Variants in PRAMEF17 observed in about 807,000 individuals in gnomAD.
The protein encoded by PRAMEF17 is PRAME family member 17.
PRAMEF17 carries 48 observed loss-of-function variants against 36.8 expected under a neutral mutation model. The observed-to-expected ratio is 1.30, with a 90% CI of 1.03 to 1.66. The LOEUF is 1.66. Among genes scored for constraint, PRAMEF17 ranks in the 40% most tolerant of loss-of-function variants. The pLI, the probability that PRAMEF17 is intolerant of heterozygous loss-of-function variation, is 0.00. For missense variants in PRAMEF17, 639 were observed against 560.6 expected (o/e 1.14, Z -1.41); for synonymous variants, 246 against 220.4 (o/e 1.12, Z -1.03).
intron 2 of PRAMEF17, among the ~76,000 whole-genome samples, chr1:13,391,507 T>C (rs1267613175): frequency 0.085 from 12,956 of 152,168 alleles, 755 homozygotes; most frequent in East Asian, 0.21. Context: ...TGTCAGGGAA[T>C]CTTTGCAGGC....
chr1:13,390,050 T>C, intron 1 of PRAMEF17, 106 bp downstream of exon 1: 2 of 1,542,798 alleles, frequency 1.3e-6, no homozygotes, highest in South Asian at 1.2e-5. Context: ...GCTCAGAGGC[T>C]TCTGATGGTG....
chr1:13,390,228 G>A (rs1404454362), intron 1 of PRAMEF17, 113 bp from the exon 2 acceptor site: 5 of 1,520,930 alleles, frequency 3.3e-6, no homozygotes, highest in Non-Finnish European at 3.6e-6. Flanking sequence ...GAGACAGAAG[G>A]AGGAGCACTG....
chr1:13,392,373 A>C lies in PRAMEF17; in HGVS notation c.1296A>C (p.Pro432=). The stretch of plus-strand genomic sequence containing the variant: ...ATGTCAATTGGGAGATCCTCGCCCC[A>C]ATTCGGGCTGAGCTGATGTGTACAC... The part of the protein sequence containing the change: ...RGHVNWEILA[P]IRAELMCTLR... The change falls in exon 3 of 3, where the codon CCA becomes CCC. Residue 432 remains proline, a synonymous_variant. Coordinates refer to ENST00000376098, the MANE Select transcript of PRAMEF17 (RefSeq NM_001099851.3). 1 of 1,611,944 alleles carries C rather than the reference A, an allele frequency of 6.2e-7. No homozygotes were observed. The highest frequency in any genetic ancestry group is 2.2e-5 in the East Asian group (1 of 44,876).
Position 13,390,726 on chromosome 1 carries a change from GC to G in PRAMEF17, c.677del (p.Pro226LeufsTer3), listed in dbSNP as rs1488626625. 6.2e-7 allele frequency: 1 copy of G among 1,611,880 alleles called. No homozygotes were observed. The highest frequency in any genetic ancestry group is 2.2e-5 in the East Asian group (1 of 44,892). On this transcript the variant is annotated frameshift_variant, in exon 2 of 3. Coordinates refer to ENST00000376098, the MANE Select transcript of PRAMEF17 (RefSeq NM_001099851.3). LOFTEE classifies it high-confidence loss of function. The part of the protein sequence containing the change: ...KCSLNKTGKF[A>X]PYLSQMSNLR... ...CTCTCTGAATAAAACAGGAAAGTTT[GC>G]CCCTTACTTGAGCCAGATGAGCAAT...
rs1483921997 is a variant in PRAMEF17, at chr1:13,392,182, C to A, written c.1105C>A (p.Leu369Ile). Residue 369 changes from leucine (L) to isoleucine (I), a missense_variant, in exon 3 of 3, where the codon CTC (leucine) becomes ATC (isoleucine). By Grantham distance (5) the Leu-to-Ile change is conservative (BLOSUM62 2). Coordinates refer to ENST00000376098, the MANE Select transcript of PRAMEF17 (RefSeq NM_001099851.3). ...CQIQDSQLRV[L>I]LPALSRCSQL... Reference sequence around the variant, plus strand: ...GATCCAGGACTCCCAGCTCAGGGTCCTCCTGCCTGCCCTGAGCCGCTGCTC... The same window carrying A: ...GATCCAGGACTCCCAGCTCAGGGTCATCCTGCCTGCCCTGAGCCGCTGCTC... 98 of 1,611,996 alleles carry A rather than the reference C, an allele frequency of 6.1e-5. 1 individual carries two copies. The African/African-American group carries it at 8.3e-4, about 14-fold the overall frequency.
chr1:13,390,475 C>A lies in PRAMEF17; in HGVS notation c.422C>A (p.Thr141Lys), dbSNP rs370657180. ...CAGACAGTGGAGGACTATCCAAGGACGGGAGAGCACCAGCCCTTGAAGGTG... is the reference window on the plus strand; with the variant it reads ...CAGACAGTGGAGGACTATCCAAGGAAGGGAGAGCACCAGCCCTTGAAGGTG... Reference protein sequence around the residue: ...KRQTVEDYPRTGEHQPLKVFI... With the variant: ...KRQTVEDYPRKGEHQPLKVFI... The change falls in exon 2 of 3, where the codon ACG becomes AAG. Residue 141 changes from threonine (T) to lysine (K), a missense_variant. Thr to Lys is a moderately conservative substitution (Grantham distance 78). Coordinates refer to ENST00000376098, the MANE Select transcript of PRAMEF17 (RefSeq NM_001099851.3). 1 of 1,611,622 alleles carries A rather than the reference C, an allele frequency of 6.2e-7. No homozygotes were observed. The highest frequency in any genetic ancestry group is 1.3e-5 in the African/African-American group (1 of 74,928).
Position 13,392,233 on chromosome 1 carries a change from G to A in PRAMEF17, c.1156G>A (p.Gly386Arg), listed in dbSNP as rs1049650514. 1.8e-5 allele frequency: 29 copies of A among 1,611,800 alleles called. No homozygotes were observed. Among genetic ancestry groups the A allele is most frequent in the Non-Finnish European group, 2.1e-5 (25 of 1,179,862 alleles). The part of the protein sequence containing the change: ...CSQLTTFYFR[G>R]NETSTNALKD... ...CCAGCTCACCACCTTCTACTTTCGC[G>A]GAAATGAGACCTCCACGAATGCTCT... Residue 386 changes from glycine (G) to arginine (R), a missense_variant, in exon 3 of 3, where the codon GGA becomes AGA. Coordinates refer to ENST00000376098, the MANE Select transcript of PRAMEF17 (RefSeq NM_001099851.3).
Position 13,392,269 on chromosome 1 carries a change from C to T in PRAMEF17, c.1192C>T (p.Leu398=). 6.2e-7 allele frequency: 1 copy of T among 1,612,050 alleles called. No individual in the cohort carries two copies. The highest frequency in any genetic ancestry group is 8.5e-7 in the Non-Finnish European group (1 of 1,179,868). The change falls in exon 3 of 3, where the codon CTG becomes TTG. Residue 398 remains leucine, a synonymous_variant. Transcript: ENST00000376098. ...CTCCACGAATGCTCTGAAAGACCTGCTGTGTCACACAGGTGGGCTGAGCAA... is the reference window on the plus strand; with the variant it reads ...CTCCACGAATGCTCTGAAAGACCTGTTGTGTCACACAGGTGGGCTGAGCAA... ...ETSTNALKDL[L]CHTGGLSKLG...
Position 13,390,797 on chromosome 1 carries a change from T to C in PRAMEF17, c.744T>C (p.Tyr248=), listed in dbSNP as rs1310295033. 5 of 1,612,018 alleles carry C rather than the reference T, an allele frequency of 3.1e-6. No homozygotes were observed. The highest frequency in any genetic ancestry group is 4.2e-6 in the Non-Finnish European group (5 of 1,179,854). Residue 248 remains tyrosine, a synonymous_variant, in exon 2 of 3, where the codon TAT becomes TAC. Transcript: ENST00000376098. ...FLAFGYDDEL[Y]VSGQQQFVPD... ...CCTTCGGTTATGACGATGAGTTATATGTAAGCGGCCAACAGCAGTTCGTTC... is the reference window on the plus strand; with the variant it reads ...CCTTCGGTTATGACGATGAGTTATACGTAAGCGGCCAACAGCAGTTCGTTC...
chr1:13,390,303 T>C, intron 1 of PRAMEF17, 38 bp from the exon 2 acceptor site: 1 of 1,611,944 alleles, frequency 6.2e-7, no homozygotes, highest in South Asian at 1.1e-5. Context: ...GGTGGGTCTT[T>C]GCCTACATTC....
Position 13,392,054 on chromosome 1 carries a change from ATC to A in PRAMEF17, c.979_980del (p.Leu327AspfsTer11). On this transcript the variant is annotated frameshift_variant, in exon 3 of 3. Coordinates refer to ENST00000376098, the MANE Select transcript of PRAMEF17 (RefSeq NM_001099851.3). LOFTEE classifies it high-confidence loss of function. ...AGCCTCAGTCAGCTAAAGGAGCTGC[ATC>A]TGATTCATATCCTAATGTGGACTAC... 6.2e-7 allele frequency: 1 copy of A among 1,610,722 alleles called. No homozygotes were observed. Among genetic ancestry groups the A allele is most frequent in the Non-Finnish European group, 8.5e-7 (1 of 1,178,800 alleles).
intron 2 of PRAMEF17, 23 bp downstream of exon 2, chr1:13,390,942 C>T: frequency 6.2e-7 from 1 of 1,611,884 alleles, no homozygotes; most frequent in Non-Finnish European, 8.5e-7. Context: ...GGTGAGCTTT[C>T]TCTGCAGACC....
At chr1:13,390,283 T>C (rs1640861876) in intron 1 of PRAMEF17, 58 bp from the exon 2 acceptor site, 2 of 1,610,336 alleles carry the variant, frequency 1.2e-6, no homozygotes, top group African/African-American at 2.7e-5. Context: ...GAGTGAAAGC[T>C]CAGGTCAGGG....
intron 1 of PRAMEF17, 77 bp downstream of exon 1, chr1:13,390,021 G>A (rs1181969006): frequency 2.2e-5 from 36 of 1,605,014 alleles, no homozygotes; most frequent in South Asian, 6.7e-5. Context: ...AGGAGTGGTG[G>A]GGTTGGGGAG....
chr1:13,389,961 G>A lies in PRAMEF17; in HGVS notation c.287+17G>A, dbSNP rs1248603242. Reference sequence around the variant, plus strand: ...TCGCCCCAGGTGAGGTGACTCAGGTGGCCTGGTGGGAAGGGTCCAGGCATC... The same window carrying A: ...TCGCCCCAGGTGAGGTGACTCAGGTAGCCTGGTGGGAAGGGTCCAGGCATC... On this transcript the variant is annotated intron_variant, in intron 1 of 2. Transcript: ENST00000376098. 5.0e-6 allele frequency: 8 copies of A among 1,612,296 alleles called. No individual in the cohort carries two copies. Among genetic ancestry groups the A allele is most frequent in the African/African-American group, 1.3e-5 (1 of 74,990 alleles).
Position 13,392,544 on chromosome 1 carries a change from C to T in PRAMEF17, c.*42C>T. On this transcript the variant is annotated 3_prime_UTR_variant, in exon 3 of 3. Transcript: ENST00000376098. ...GGGATGGATATGCTTTCTTCAGGACCCTTAGGCACTAAAATCTAGGACACA... is the reference window on the plus strand; with the variant it reads ...GGGATGGATATGCTTTCTTCAGGACTCTTAGGCACTAAAATCTAGGACACA... The T allele has an allele frequency of 6.2e-7, 1 of 1,610,318 alleles. No homozygotes were observed. Among genetic ancestry groups the T allele is most frequent in the Non-Finnish European group, 8.5e-7 (1 of 1,179,412 alleles).
Position 13,389,699 on chromosome 1 carries a change from C to G in PRAMEF17, c.42C>G (p.Gly14=), listed in dbSNP as rs878886933. 1,230 of 1,598,516 alleles carry G rather than the reference C, an allele frequency of 7.7e-4. 1 individual carries two copies. Among genetic ancestry groups the G allele is most frequent in the Middle Eastern group, 4.3e-3 (19 of 4,388 alleles). The change falls in exon 1 of 3, where the codon GGC becomes GGG. Residue 14 remains glycine, a synonymous_variant. Coordinates refer to ENST00000376098, the MANE Select transcript of PRAMEF17 (RefSeq NM_001099851.3). ...CATCCAGACTCCTGGAGCTGGCAGG[C>G]CAGAGCCTGCTGAGGAACCAGTTCT... ...QSPSRLLELA[G]QSLLRNQFLT...
chr1:13,390,534 G>C lies in PRAMEF17; in HGVS notation c.481G>C (p.Asp161His). The stretch of plus-strand genomic sequence containing the variant: ...CCTCTGCCAAAAGGAAAGTACACTG[G>C]ATGAATGCCTGAGCTACCTCTGCAG... ...IDLCQKESTL[D>H]ECLSYLCRWI... The change falls in exon 2 of 3, where the codon GAT becomes CAT. Residue 161 changes from aspartate to histidine, a missense_variant. Transcript: ENST00000376098. The C allele has an allele frequency of 6.8e-6, 11 of 1,611,992 alleles. No individual in the cohort carries two copies. Among genetic ancestry groups the C allele is most frequent in the Non-Finnish European group, 9.3e-6 (11 of 1,179,862 alleles).
rs1370944206 is a variant in PRAMEF17, at chr1:13,390,786, G to T, written c.733G>T (p.Asp245Tyr). 6.2e-7 allele frequency: 1 copy of T among 1,611,334 alleles called. No homozygotes were observed. The highest frequency in any genetic ancestry group is 8.5e-7 in the Non-Finnish European group (1 of 1,179,394). ...ACTCTTTTTAGCCTTCGGTTATGAC[G>T]ATGAGTTATATGTAAGCGGCCAACA... The part of the protein sequence containing the change: ...RKLFLAFGYD[D>Y]ELYVSGQQQF... The change falls in exon 2 of 3, where the codon GAT (aspartate) becomes TAT (tyrosine). Residue 245 changes from aspartate to tyrosine, a missense_variant. Transcript: ENST00000376098.
Sources: gnomAD v4.1 joint callset for allele counts (sites outside exome capture counted in the v4.1 genomes callset) on GRCh38, gnomAD v4.1.1 for gene constraint, MANE v1.5 for transcripts, NCBI Gene and HGNC (gene_info 2026-07-23, HGNC 2026-07-21) for gene names.